The following TANC2 variants were observed in gnomAD, a reference collection of about 807,000 sequenced individuals.
TANC2 encodes the protein protein TANC2.
A neutral mutation model predicts 210.5 loss-of-function variants in TANC2; 26 were observed. That is an observed-to-expected ratio of 0.12 (90% confidence interval 0.09 to 0.17). The LOEUF (loss-of-function observed/expected upper bound fraction) is 0.17, where lower values mean the gene tolerates loss of function less well. Ranked by LOEUF, TANC2 falls within the 10% of genes least tolerant of loss-of-function variation. The probability of loss-of-function intolerance (pLI) is 1.00; values close to 1 mark genes in which losing one functional copy is unlikely to be tolerated. For synonymous variants in TANC2, 931 were observed against 967.1 expected, an observed-to-expected ratio of 0.96 and a Z score of 0.69; for missense variants, 2,129 against 2,608.9, an observed-to-expected ratio of 0.82 and a Z score of 4.01.
chr17:63,093,576 A>C (rs1287168698), intron 3 of TANC2, among the ~76,000 whole-genome samples: 1 of 152,098 alleles, frequency 6.6e-6, no homozygotes, highest in African/African-American at 2.4e-5. Context: ...TGTTTGTTCA[A>C]AATTGTTGTG....
intron 9 of TANC2, among the ~76,000 whole-genome samples, chr17:63,292,993 G>A (rs1360753267): frequency 6.6e-6 from 1 of 152,106 alleles, no homozygotes; most frequent in Non-Finnish European, 1.5e-5. Flanking sequence ...AAGCGATTCT[G>A]CTTTATTTAT....
At chr17:63,031,242 A>G (rs915622295) in intron 2 of TANC2, among the ~76,000 whole-genome samples, 1 of 152,136 alleles carries the variant, frequency 6.6e-6, no homozygotes, top group Non-Finnish European at 1.5e-5. Context: ...TTTTAATGAC[A>G]TAAATCTTTT....
chr17:63,026,870 A>G (rs1423937515), intron 2 of TANC2, among the ~76,000 whole-genome samples: 1 of 152,152 alleles, frequency 6.6e-6, no homozygotes, highest in Non-Finnish European at 1.5e-5. Context: ...ATTTTAGCCT[A>G]AAGATTTATT....
chr17:63,124,610 T>C (rs1445403226), intron 4 of TANC2, among the ~76,000 whole-genome samples: 1 of 151,900 alleles, frequency 6.6e-6, no homozygotes, highest in Non-Finnish European at 1.5e-5. Flanking sequence ...CTTCTTAGAG[T>C]TCTAATTGCT....
chr17:63,276,680 T>C (rs2146323483), intron 9 of TANC2, among the ~76,000 whole-genome samples: 1 of 152,130 alleles, frequency 6.6e-6, no homozygotes, highest in Non-Finnish European at 1.5e-5. Context: ...AAATAAGCCT[T>C]CCCCCTTTTT....
rs536550947 is a variant in TANC2, at chr17:63,199,447, C to T, written c.583-1324C>T. ...CAGCTTGGCCAAGACAGTGAAACCC[C>T]GTCTCTACTAAAACTATAAAAATTA... On this transcript the variant is annotated intron_variant, in intron 6 of 27. Coordinates refer to ENST00000689528, the Ensembl canonical transcript of TANC2. Among the ~76,000 whole-genome samples the T allele has an allele frequency of 1.9e-4, 29 of 151,992 alleles. No individual in the cohort carries two copies. In the East Asian group the frequency reaches 4.1e-3, roughly 21 times the overall value.
chr17:63,066,622 C>T (rs1406839303), intron 2 of TANC2, among the ~76,000 whole-genome samples: 1 of 152,152 alleles, frequency 6.6e-6, no homozygotes, highest in Admixed American at 6.5e-5. Context: ...GCCCCAACCC[C>T]CGACCTTAGT....
intron 2 of TANC2, among the ~76,000 whole-genome samples, chr17:63,028,565 C>G (rs773697875): frequency 1.9e-4 from 29 of 152,214 alleles, no homozygotes; most frequent in Non-Finnish European, 3.4e-4. Flanking sequence ...TCAGATTTGC[C>G]TCAACTCCCC....
At chr17:63,078,912 G>T (rs1201149850) in intron 3 of TANC2, among the ~76,000 whole-genome samples, 1 of 152,186 alleles carries the variant, frequency 6.6e-6, no homozygotes, top group Admixed American at 6.5e-5. Context: ...CACGTTGATT[G>T]ATAGTGTTAT....
At chr17:63,106,519 G>A (rs1006260332) in intron 4 of TANC2, among the ~76,000 whole-genome samples, 5 of 151,610 alleles carry the variant, frequency 3.3e-5, no homozygotes, top group African/African-American at 1.2e-4. Flanking sequence ...ATTATCAAGG[G>A]TAGGGGGATT....
intron 15 of TANC2, chr17:63,381,435 GTGTTCCC>G (rs1391425883): frequency 6.6e-6 from 1 of 152,214 alleles, no homozygotes; most frequent in African/African-American, 2.4e-5. Context: ...TTTAAATGCA[GTGTTCCC>G]TGTTGAGAGG....
At chr17:62,993,596 A>AT (rs2032972009) in intron 1 of TANC2, among the ~76,000 whole-genome samples, 3 of 151,550 alleles carry the variant, frequency 2.0e-5, no homozygotes, top group Middle Eastern at 6.8e-3. Context: ...TTTTTATTTC[A>AT]TTTTTGGATT....
intron 9 of TANC2, among the ~76,000 whole-genome samples, chr17:63,287,280 TA>T: frequency 6.6e-6 from 1 of 152,302 alleles, no homozygotes; most frequent in South Asian, 2.1e-4. Flanking sequence ...ATTTGAGTCT[TA>T]TAGCTTCCTT....
intron 11 of TANC2, among the ~76,000 whole-genome samples, chr17:63,325,065 TG>T (rs1184971864): frequency 1.4e-5 from 1 of 69,414 alleles, no homozygotes; most frequent in African/African-American, 6.0e-5. Context: ...TTGTGTGGGG[TG>T]GGGGGCGGGG....
At chr17:63,193,460 G>A (rs1044340536) in intron 5 of TANC2, among the ~76,000 whole-genome samples, 9 of 152,012 alleles carry the variant, frequency 5.9e-5, no homozygotes, top group Admixed American at 5.2e-4. Flanking sequence ...TTAGCATTTG[G>A]AGTGGTTTAC....
chr17:63,267,726 C>G, intron 8 of TANC2, 22 bp from the exon 9 acceptor site: 1 of 1,608,418 alleles, frequency 6.2e-7, no homozygotes, highest in Middle Eastern at 1.7e-4. Flanking sequence ...AATATTCTAA[C>G]TAAACTTTTC....
intron 15 of TANC2, among the ~76,000 whole-genome samples, chr17:63,386,318 C>T (rs182115887): frequency 5.5e-4 from 83 of 152,224 alleles, no homozygotes; most frequent in Non-Finnish European, 1.1e-3. Flanking sequence ...AATTTGAACA[C>T]TGTTGGGATA....
chr17:62,974,607 T>G (rs949566866), intron 1 of TANC2, among the ~76,000 whole-genome samples: 1 of 152,226 alleles, frequency 6.6e-6, no homozygotes, highest in Admixed American at 6.5e-5. Context: ...TGTCTTTGAC[T>G]TGGGGATGGA....
intron 4 of TANC2, among the ~76,000 whole-genome samples, chr17:63,143,622 G>A (rs567575276): frequency 6.6e-6 from 1 of 152,100 alleles, no homozygotes; most frequent in East Asian, 1.9e-4. Flanking sequence ...GTTACCTGCA[G>A]GTAAATATGC....
Sources: allele counts gnomAD v4.1 joint callset (sites outside exome capture counted in the v4.1 genomes callset), GRCh38; gene constraint gnomAD v4.1.1; transcripts MANE v1.5; gene names NCBI Gene and HGNC (gene_info 2026-07-23, HGNC 2026-07-21).